Variants in XKR9 observed in about 807,000 individuals in gnomAD.
The protein encoded by XKR9 is XK-related protein 9.
Under a neutral mutation model 32.0 loss-of-function variants are expected in XKR9, and 32 were observed. That is an observed-to-expected ratio of 1.00 (90% CI 0.76 to 1.34). XKR9 has a LOEUF of 1.34. Ranked by LOEUF, XKR9 falls within the 40% of genes most tolerant of loss-of-function variation. XKR9 has a pLI of 0.00. For missense variants in XKR9, 546 were observed against 429.7 expected (o/e 1.27, Z -2.39); for synonymous variants, 168 against 143.4 (o/e 1.17, Z -1.22).
At chr8:71,045,436 G>A in the XKR9 span, among the ~76,000 whole-genome samples, 2 of 152,164 alleles carry the variant, frequency 1.3e-5, no homozygotes, top group East Asian at 1.9e-4. Context: ...GATCTTCTAC[G>A]TGCTCTTCTT....
At chr8:70,749,962 G>A (rs543392513) in intron 2 of XKR9, among the ~76,000 whole-genome samples, 1 of 152,152 alleles carries the variant, frequency 6.6e-6, no homozygotes, top group Non-Finnish European at 1.5e-5. Flanking sequence ...CAGGAATAAG[G>A]CTTAAATTGC....
At chr8:70,845,750 A>G in the XKR9 span, among the ~76,000 whole-genome samples, 1 of 152,098 alleles carries the variant, frequency 6.6e-6, no homozygotes, top group Non-Finnish European at 1.5e-5. Flanking sequence ...TCAAACAAAA[A>G]CAAACAAAAC....
the XKR9 span, among the ~76,000 whole-genome samples, chr8:71,036,002 T>A: frequency 6.6e-6 from 1 of 151,302 alleles, no homozygotes; most frequent in South Asian, 2.1e-4. Context: ...TAGATCATAC[T>A]CTTTTGTCTT....
At chr8:71,006,964 A>G in the XKR9 span, among the ~76,000 whole-genome samples, 1 of 152,220 alleles carries the variant, frequency 6.6e-6, no homozygotes, top group Non-Finnish European at 1.5e-5. Context: ...ACTTGGTTGT[A>G]GAGCCTGGAA....
chr8:70,810,765 T>C, the XKR9 span, among the ~76,000 whole-genome samples: 1 of 152,198 alleles, frequency 6.6e-6, no homozygotes, highest in Non-Finnish European at 1.5e-5. Context: ...GTGCACACAA[T>C]ACAGGAGCAC....
At chr8:70,931,573 A>G in the XKR9 span, among the ~76,000 whole-genome samples, 1 of 152,204 alleles carries the variant, frequency 6.6e-6, no homozygotes, top group Non-Finnish European at 1.5e-5. Context: ...TTGTGTCACT[A>G]TAAAGAAATA....
At chr8:70,793,126 C>G (rs543891719), downstream of XKR9, among the ~76,000 whole-genome samples, 4 of 152,164 alleles carry the variant, frequency 2.6e-5, no homozygotes, top group East Asian at 7.8e-4. Context: ...GGTAGGCATT[C>G]AAATTCATTC....
chr8:70,948,689 A>G, the XKR9 span, among the ~76,000 whole-genome samples: 1 of 152,232 alleles, frequency 6.6e-6, no homozygotes, highest in African/African-American at 2.4e-5. Flanking sequence ...GAATGCCTGC[A>G]CACAAGCATT....
chr8:70,762,072 C>G (rs1807316499), intron 2 of XKR9, among the ~76,000 whole-genome samples: 1 of 152,020 alleles, frequency 6.6e-6, no homozygotes, highest in Non-Finnish European at 1.5e-5. Context: ...TGTTCTTGTA[C>G]CAGTACCATG....
At chr8:70,956,212 T>G in the XKR9 span, among the ~76,000 whole-genome samples, 2 of 152,230 alleles carry the variant, frequency 1.3e-5, no homozygotes, top group Admixed American at 1.3e-4. Flanking sequence ...CATGGACAAC[T>G]GGAGGGTGAG....
the XKR9 span, among the ~76,000 whole-genome samples, chr8:70,973,536 A>G: frequency 6.6e-6 from 1 of 152,000 alleles, no homozygotes; most frequent in African/African-American, 2.4e-5. Flanking sequence ...CAGTTCCATG[A>G]GGTGTGACCT....
intron 2 of XKR9, among the ~76,000 whole-genome samples, chr8:70,757,744 G>A (rs1807248811): frequency 6.6e-6 from 1 of 152,056 alleles, no homozygotes; most frequent in Non-Finnish European, 1.5e-5. Flanking sequence ...ATGCCACCAT[G>A]CCTGGCTAAT....
chr8:70,967,370 G>A, the XKR9 span, among the ~76,000 whole-genome samples: 1 of 151,904 alleles, frequency 6.6e-6, no homozygotes, highest in African/African-American at 2.4e-5. Flanking sequence ...TGCCTGGCCG[G>A]GTCTTGACTC....
At chr8:70,995,859 G>C in the XKR9 span, among the ~76,000 whole-genome samples, 1 of 151,904 alleles carries the variant, frequency 6.6e-6, no homozygotes, top group Non-Finnish European at 1.5e-5. Flanking sequence ...ACTTATAAAG[G>C]CCTGTTTCTT....
chr8:71,063,167 G>A, the XKR9 span, among the ~76,000 whole-genome samples: 1 of 152,106 alleles, frequency 6.6e-6, no homozygotes, highest in Non-Finnish European at 1.5e-5. Flanking sequence ...AATTTATTGT[G>A]ATAACTGCAA....
chr8:70,845,409 G>T, the XKR9 span, among the ~76,000 whole-genome samples: 1 of 152,056 alleles, frequency 6.6e-6, no homozygotes, highest in South Asian at 2.1e-4. Context: ...ATCTCCAAAG[G>T]AACACAATAA....
chr8:70,809,757 A>G, the XKR9 span, among the ~76,000 whole-genome samples: 1 of 152,250 alleles, frequency 6.6e-6, no homozygotes, highest in African/African-American at 2.4e-5. Context: ...AAGAATAAAA[A>G]GAAACAAAGC....
intron 2 of XKR9, among the ~76,000 whole-genome samples, chr8:70,762,651 T>G (rs548790484): frequency 2.2e-4 from 33 of 152,286 alleles, no homozygotes; most frequent in African/African-American, 7.7e-4. Flanking sequence ...AGTTATGGTA[T>G]TTTTTGAAAA....
the XKR9 span, among the ~76,000 whole-genome samples, chr8:70,965,548 G>A: frequency 5.5e-4 from 84 of 152,250 alleles, no homozygotes; most frequent in Middle Eastern, 0.01. Flanking sequence ...TTGTACCTCT[G>A]GTAGAATTTA....
Sources: allele counts gnomAD v4.1 joint callset (sites outside exome capture counted in the v4.1 genomes callset), GRCh38; gene constraint gnomAD v4.1.1; transcripts MANE v1.5; gene names NCBI Gene and HGNC (gene_info 2026-07-23, HGNC 2026-07-21).